Variants in GABRB1 observed in about 807,000 individuals in gnomAD.
The protein encoded by GABRB1 is gamma-aminobutyric acid receptor subunit beta-1.
A neutral mutation model predicts 51.6 loss-of-function variants in GABRB1; 17 were observed. The observed-to-expected ratio is 0.33, with a 90% CI of 0.23 to 0.49. GABRB1 has a LOEUF of 0.49. Ranked by LOEUF, GABRB1 falls within the 20% of genes least tolerant of loss-of-function variation. The pLI is 0.99. For synonymous variants in GABRB1, 247 were observed against 218.9 expected (o/e 1.13, Z -1.14); for missense variants, 410 against 600.6 (o/e 0.68, Z 3.32).
intron 5 of GABRB1, among the ~76,000 whole-genome samples, chr4:47,378,861 G>A (rs1727493142): frequency 6.6e-6 from 1 of 152,088 alleles, no homozygotes; most frequent in Non-Finnish European, 1.5e-5. Flanking sequence ...ATTTCACAGA[G>A]GAGGTAGCTG....
At chr4:47,409,650 C>T (rs1301067237) in intron 8 of GABRB1, among the ~76,000 whole-genome samples, 2 of 152,202 alleles carry the variant, frequency 1.3e-5, no homozygotes, top group African/African-American at 4.8e-5. Flanking sequence ...ATGCCTGTTC[C>T]CATTTAGAGC....
intron 1 of GABRB1, among the ~76,000 whole-genome samples, chr4:47,001,318 A>G (rs910515161): frequency 2.9e-4 from 44 of 151,674 alleles, no homozygotes; most frequent in South Asian, 2.1e-3. Context: ...AATTTTTTGT[A>G]TTTTTAGTAG....
At chr4:47,170,075 G>A (rs2109752778) in intron 4 of GABRB1, among the ~76,000 whole-genome samples, 1 of 152,226 alleles carries the variant, frequency 6.6e-6, no homozygotes, top group East Asian at 1.9e-4. Context: ...ACAAAGAGAA[G>A]CCATTCTGCT....
intron 5 of GABRB1, among the ~76,000 whole-genome samples, chr4:47,352,586 T>C (rs1726393857): frequency 6.6e-6 from 1 of 152,166 alleles, no homozygotes; most frequent in Non-Finnish European, 1.5e-5. Context: ...GTGGGCTTCA[T>C]CCCTGGGATG....
intron 4 of GABRB1, among the ~76,000 whole-genome samples, chr4:47,259,709 A>C (rs1722350835): frequency 6.6e-6 from 1 of 152,182 alleles, no homozygotes; most frequent in Admixed American, 6.6e-5. Flanking sequence ...GTTCCAGAAT[A>C]ACCTTGGGTT....
chr4:47,309,216 T>G (rs910746545), intron 4 of GABRB1, among the ~76,000 whole-genome samples: 2 of 152,196 alleles, frequency 1.3e-5, no homozygotes, highest in East Asian at 1.9e-4. Flanking sequence ...AACTTTGACA[T>G]GAGCCTGTTA....
chr4:47,039,248 T>G (rs1427397523), intron 3 of GABRB1, among the ~76,000 whole-genome samples: 1 of 151,536 alleles, frequency 6.6e-6, no homozygotes, highest in African/African-American at 2.4e-5. Context: ...CCAATGTATC[T>G]TTCCCTGTCT....
chr4:47,113,508 C>T (rs1291856288), intron 3 of GABRB1, among the ~76,000 whole-genome samples: 1 of 151,648 alleles, frequency 6.6e-6, no homozygotes, highest in Admixed American at 6.6e-5. Context: ...AATGAGAATT[C>T]AGATAAGGAA....
chr4:47,174,972 C>T (rs866194101), intron 4 of GABRB1, among the ~76,000 whole-genome samples: 10 of 138,232 alleles, frequency 7.2e-5, no homozygotes, highest in Admixed American at 2.3e-4. Context: ...TTCTTCCTTC[C>T]TTTCATCATT....
intron 4 of GABRB1, among the ~76,000 whole-genome samples, chr4:47,248,966 T>A (rs1410282166): frequency 6.6e-6 from 1 of 152,070 alleles, no homozygotes; most frequent in Non-Finnish European, 1.5e-5. Context: ...AGCTTTTCGT[T>A]TCATTCATCT....
chr4:47,327,264 G>A (rs1725294308), intron 5 of GABRB1, among the ~76,000 whole-genome samples: 1 of 151,528 alleles, frequency 6.6e-6, no homozygotes, highest in Admixed American at 6.6e-5. Context: ...GTTGAGCTGG[G>A]AGGATCACTT....
Position 47,031,580 on chromosome 4 carries a change from T to G in GABRB1, c.-72T>G. 4 of 1,306,318 alleles carry G rather than the reference T, an allele frequency of 3.1e-6. No homozygotes were observed. In the South Asian group the frequency reaches 4.8e-5, roughly 16 times the overall value. 80.9% of individuals were successfully genotyped at this position (1,306,318 alleles called of 1,614,324 possible). ...ATGCGCAGGTCCATTCGGGAATTAC[T>G]GCCCAGCAGCCGACTAAGTTGCATT... On this transcript the variant is annotated 5_prime_UTR_variant, in exon 1 of 9. Transcript: ENST00000295454.
intron 4 of GABRB1, among the ~76,000 whole-genome samples, chr4:47,248,718 C>T (rs1043965480): frequency 6.6e-6 from 1 of 151,714 alleles, no homozygotes; most frequent in Non-Finnish European, 1.5e-5. Flanking sequence ...GTCTAATTTT[C>T]CCTGATTTGA....
At chr4:47,104,274 C>A (rs1377677567) in intron 3 of GABRB1, among the ~76,000 whole-genome samples, 1 of 151,718 alleles carries the variant, frequency 6.6e-6, no homozygotes, top group East Asian at 1.9e-4. Flanking sequence ...GTCCTCATCT[C>A]TATTCTTCTG....
intron 8 of GABRB1, among the ~76,000 whole-genome samples, chr4:47,418,195 A>G (rs1728988982): frequency 6.6e-6 from 1 of 152,210 alleles, no homozygotes; most frequent in Non-Finnish European, 1.5e-5. Context: ...AAACAGAACC[A>G]ATAGAAACAG....
At chr4:47,068,193 G>A (rs1209184395) in intron 3 of GABRB1, among the ~76,000 whole-genome samples, 8 of 152,126 alleles carry the variant, frequency 5.3e-5, no homozygotes, top group Admixed American at 5.2e-4. Flanking sequence ...GATAGTTAGG[G>A]TCTTGCTCTG....
At chr4:47,293,551 T>C (rs1057264138) in intron 4 of GABRB1, among the ~76,000 whole-genome samples, 1 of 152,144 alleles carries the variant, frequency 6.6e-6, no homozygotes, top group Non-Finnish European at 1.5e-5. Flanking sequence ...GCAAAAGATA[T>C]CTATAGATAT....
upstream of GABRB1, among the ~76,000 whole-genome samples, chr4:47,028,425 A>G (rs1357030203): frequency 6.6e-6 from 1 of 151,808 alleles, no homozygotes; most frequent in African/African-American, 2.4e-5. Flanking sequence ...CTTTGGTGAA[A>G]TGCTTGTTAC....
chr4:47,033,540 C>T (rs527954880), intron 3 of GABRB1, among the ~76,000 whole-genome samples: 2 of 152,070 alleles, frequency 1.3e-5, no homozygotes, highest in African/African-American at 4.8e-5. Flanking sequence ...TTTATAAATC[C>T]TGAATAATTT....
Sources: gnomAD v4.1 joint callset for allele counts (sites outside exome capture counted in the v4.1 genomes callset) on GRCh38, gnomAD v4.1.1 for gene constraint, MANE v1.5 for transcripts, NCBI Gene and HGNC (gene_info 2026-07-23, HGNC 2026-07-21) for gene names.